DTNBP1: variants seen among roughly 807,000 people sequenced by gnomAD.
DTNBP1 encodes the protein dystrobrevin binding protein 1, also known as dysbindin.
DTNBP1 carries 35 observed loss-of-function variants against 42.8 expected under a neutral mutation model. That is an observed-to-expected ratio of 0.82 (90% CI 0.63 to 1.09). The LOEUF (loss-of-function observed/expected upper bound fraction) is 1.09, where lower values mean the gene tolerates loss of function less well. DTNBP1 is among the 50% of genes least tolerant of loss of function. The probability of loss-of-function intolerance (pLI) is 0.00; values close to 1 mark genes in which losing one functional copy is unlikely to be tolerated. For missense variants in DTNBP1, 457 were observed against 424.2 expected (o/e 1.08, Z -0.68); for synonymous variants, 171 against 162.2 (o/e 1.05, Z -0.41).
At chr6:15,604,420 C>T (rs1757902272) in intron 6 of DTNBP1, among the ~76,000 whole-genome samples, 2 of 152,184 alleles carry the variant, frequency 1.3e-5, no homozygotes, top group Admixed American at 1.3e-4. Flanking sequence ...TCTCGATCTT[C>T]TCTTTTGGTT....
intron 7 of DTNBP1, among the ~76,000 whole-genome samples, chr6:15,584,960 T>C (rs1301079663): frequency 6.8e-6 from 1 of 147,712 alleles, no homozygotes; most frequent in African/African-American, 2.5e-5. Context: ...TCCTTATATA[T>C]GTATTTATAT....
intron 7 of DTNBP1, among the ~76,000 whole-genome samples, chr6:15,542,543 C>T (rs1364370648): frequency 2.0e-5 from 3 of 151,734 alleles, no homozygotes; most frequent in African/African-American, 4.8e-5. Context: ...AGCTAATTTT[C>T]GTATTTTTAG....
intron 7 of DTNBP1, among the ~76,000 whole-genome samples, chr6:15,577,894 T>A (rs4715986): frequency 0.45 from 68,559 of 151,852 alleles, 16,305 homozygotes; most frequent in East Asian, 0.62. Flanking sequence ...GTTCTCCAAG[T>A]GTAGTTTTCC....
chr6:15,625,837 G>C (rs1759307962), intron 5 of DTNBP1, among the ~76,000 whole-genome samples: 1 of 152,212 alleles, frequency 6.6e-6, no homozygotes, highest in Non-Finnish European at 1.5e-5. Flanking sequence ...CTGAAAGAAA[G>C]TGGCTAAGAA....
At chr6:15,523,409 G>T (rs1333975532) in intron 9 of DTNBP1, among the ~76,000 whole-genome samples, 190 bp from the exon 10 acceptor site, 1 of 152,146 alleles carries the variant, frequency 6.6e-6, no homozygotes, top group Non-Finnish European at 1.5e-5. Context: ...GCAGCCTCAG[G>T]CCCTGCGGTG....
intron 4 of DTNBP1, among the ~76,000 whole-genome samples, chr6:15,628,045 G>A (rs1562000488): frequency 6.6e-6 from 1 of 152,158 alleles, no homozygotes; most frequent in Non-Finnish European, 1.5e-5. Flanking sequence ...AAGTTAATGA[G>A]GAATTCAGCA....
intron 7 of DTNBP1, among the ~76,000 whole-genome samples, chr6:15,553,670 G>C (rs535951345): frequency 7.4e-6 from 1 of 135,854 alleles, no homozygotes; most frequent in African/African-American, 2.8e-5. Context: ...TTCCTTAGAA[G>C]CAGACCCAGA....
rs535101087 is a variant in DTNBP1, at chr6:15,627,302, T to G, written c.355+41A>C. The G allele has an allele frequency of 1.9e-6, 3 of 1,608,902 alleles. No homozygotes were observed. The East Asian group carries it at 6.7e-5, about 36-fold the overall frequency. ...ACACCAAACCCTGCCCAAGTTGTTT[T>G]CATTCCTAAAAGTAATGTACAATGA... On this transcript the variant is annotated intron_variant, in intron 5 of 9. Transcript: ENST00000344537.
At chr6:15,608,687 T>C (rs1351593929) in intron 6 of DTNBP1, among the ~76,000 whole-genome samples, 1 of 152,278 alleles carries the variant, frequency 6.6e-6, no homozygotes, top group Non-Finnish European at 1.5e-5. Context: ...CTGGAGCCCT[T>C]GGCTGCCTGG....
rs56173414 is a variant in DTNBP1, at chr6:15,553,594, C to CTTTTTTTTTTTTTTTTTTTT, written c.512-20200_512-20199insAAAAAAAAAAAAAAAAAAAA. Among the ~76,000 whole-genome samples, 17 of 72,952 alleles carry CTTTTTTTTTTTTTTTTTTTT rather than the reference C, an allele frequency of 2.3e-4. 4 individuals carry two copies. Among genetic ancestry groups the CTTTTTTTTTTTTTTTTTTTT allele is most frequent in the East Asian group, 1.3e-3 (2 of 1,514 alleles). 47.9% of individuals were successfully genotyped at this position (72,952 alleles called of 152,430 possible). A position where few individuals can be genotyped will look rare whatever the true frequency, so the allele number is the denominator to read the frequency against. ...CAGTTCAATGCTCTTGACAAGTGAG[C>CTTTTTTTTTTTTTTTTTTTT]TTTTTTTTTTTTGGCCTCAGACAGC... On this transcript the variant is annotated intron_variant, in intron 7 of 9. Transcript: ENST00000344537.
chr6:15,599,589 T>C (rs1200621561), intron 6 of DTNBP1, among the ~76,000 whole-genome samples: 1 of 152,178 alleles, frequency 6.6e-6, no homozygotes, highest in East Asian at 1.9e-4. Context: ...TGGGTCTACC[T>C]AGCTTGGGGA....
At chr6:15,534,659 C>CAAA (rs34234744) in intron 7 of DTNBP1, among the ~76,000 whole-genome samples, 34 of 99,230 alleles carry the variant, frequency 3.4e-4, no homozygotes, top group Non-Finnish European at 3.8e-4. Context: ...GACTCTGTCT[C>CAAA]AAAAAAAAAA....
chr6:15,563,575 G>T (rs1016664590), intron 7 of DTNBP1, among the ~76,000 whole-genome samples: 4 of 152,252 alleles, frequency 2.6e-5, no homozygotes, highest in Admixed American at 6.5e-5. Flanking sequence ...TAAGGCTTTT[G>T]TTTAAGAATT....
At chr6:15,578,530 C>T (rs1453295992) in intron 7 of DTNBP1, among the ~76,000 whole-genome samples, 2 of 151,952 alleles carry the variant, frequency 1.3e-5, no homozygotes, top group African/African-American at 4.8e-5. Flanking sequence ...TTTCCAGCAA[C>T]AGAGGGAGAG....
chr6:15,622,840 T>C (rs115438279), intron 5 of DTNBP1, among the ~76,000 whole-genome samples: 1,928 of 152,320 alleles, frequency 0.013, 41 homozygotes, highest in African/African-American at 0.042. Flanking sequence ...TTCAAATACA[T>C]ATCATCTGTA....
At chr6:15,545,252 T>C (rs1228896952) in intron 7 of DTNBP1, among the ~76,000 whole-genome samples, 5 of 152,226 alleles carry the variant, frequency 3.3e-5, no homozygotes, top group Non-Finnish European at 5.9e-5. Context: ...TTCTGTGACC[T>C]GTGTTTCTAC....
intron 7 of DTNBP1, among the ~76,000 whole-genome samples, chr6:15,566,590 TAAAG>T (rs1775097788): frequency 6.6e-6 from 1 of 151,784 alleles, no homozygotes; most frequent in East Asian, 1.9e-4. Context: ...ACATGACAGA[TAAAG>T]AAGGAAATAA....
intron 6 of DTNBP1, among the ~76,000 whole-genome samples, chr6:15,611,685 A>G (rs539596898): frequency 6.6e-6 from 1 of 152,330 alleles, no homozygotes; most frequent in Non-Finnish European, 1.5e-5. Context: ...GTGGATTCCA[A>G]CCCTCATGGA....
chr6:15,617,285 T>C (rs899333669), intron 5 of DTNBP1, among the ~76,000 whole-genome samples: 1 of 151,950 alleles, frequency 6.6e-6, no homozygotes, highest in African/African-American at 2.4e-5. Flanking sequence ...GTGAAAATGA[T>C]CATGCTGCCA....
Sources: allele counts gnomAD v4.1 joint callset (sites outside exome capture counted in the v4.1 genomes callset), GRCh38; gene constraint gnomAD v4.1.1; transcripts MANE v1.5; gene names NCBI Gene and HGNC (gene_info 2026-07-23, HGNC 2026-07-21).